NRG3: variants seen among roughly 807,000 people sequenced by gnomAD.
NRG3 encodes the protein pro-neuregulin-3, membrane-bound isoform.
A neutral mutation model predicts 66.9 loss-of-function variants in NRG3; 31 were observed. The ratio of observed to expected loss-of-function variants is 0.46; its 90% CI spans 0.35 to 0.63. NRG3 has a LOEUF of 0.63. Among genes scored for constraint, NRG3 ranks in the 20% least tolerant of loss-of-function variants. The pLI, the probability that NRG3 is intolerant of heterozygous loss-of-function variation, is 0.00. For synonymous variants in NRG3, 393 were observed against 359.4 expected (o/e 1.09, Z -1.06); for missense variants, 910 against 878.9 (o/e 1.04, Z -0.45).
chr10:82,249,743 A>G (rs938018603), intron 1 of NRG3, among the ~76,000 whole-genome samples: 4 of 152,216 alleles, frequency 2.6e-5, no homozygotes, highest in South Asian at 2.1e-4. Context: ...TACTAAGCAC[A>G]TGGAGAAGCA....
At position 82,863,474 on chromosome 10, in the gene NRG3, C is replaced by T. The variant is rs375290422; in HGVS notation, c.1028-1937C>T. On this transcript the variant is annotated intron_variant, in intron 3 of 8. Transcript: ENST00000372141. ...ATGGTTGAACTAATTACACTCCCAA[C>T]AACAATGTAAAAGTGTTCCTATTTC... Among the ~76,000 whole-genome samples the T allele has an allele frequency of 5.9e-5, 9 of 152,324 alleles. 1 individual carries two copies. Among genetic ancestry groups the T allele is most frequent in the African/African-American group, 2.2e-4 (9 of 41,576 alleles).
chr10:82,844,687 T>TC (rs199860084), intron 3 of NRG3, among the ~76,000 whole-genome samples: 1 of 147,542 alleles, frequency 6.8e-6, no homozygotes, highest in Non-Finnish European at 1.5e-5. Flanking sequence ...TTTTTTTTTT[T>TC]CCAAATAAGA....
At chr10:82,838,385 A>C (rs982713792) in intron 3 of NRG3, among the ~76,000 whole-genome samples, 3 of 152,312 alleles carry the variant, frequency 2.0e-5, no homozygotes, top group African/African-American at 7.2e-5. Context: ...ATTCATGATG[A>C]CATTTGAAAA....
intron 1 of NRG3, among the ~76,000 whole-genome samples, chr10:82,306,830 G>T (rs1038849833): frequency 6.8e-6 from 1 of 147,016 alleles, no homozygotes; most frequent in African/African-American, 2.5e-5. Context: ...TATTTTGTCT[G>T]TTTAGATTTT....
rs186158311 is a variant in NRG3 at position 82,896,564 on chromosome 10, T to C, written c.1054+31127T>C. ...GATTTTAATGAGAAGAATGATGTTTTGATTTTCTACATGAAAATAAATGTG... is the reference window on the plus strand; with the variant it reads ...GATTTTAATGAGAAGAATGATGTTTCGATTTTCTACATGAAAATAAATGTG... On this transcript the variant is annotated intron_variant, in intron 4 of 8. Transcript: ENST00000372141. Among the ~76,000 whole-genome samples the C allele has an allele frequency of 2.0e-4, 31 of 152,378 alleles. No individual in the cohort carries two copies. In the East Asian group the frequency reaches 5.4e-3, roughly 27 times the overall value.
At chr10:82,145,379 T>C (rs2070168927) in intron 1 of NRG3, among the ~76,000 whole-genome samples, 1 of 152,188 alleles carries the variant, frequency 6.6e-6, no homozygotes, top group Non-Finnish European at 1.5e-5. Context: ...TTATAACATA[T>C]TTGACTTTTG....
chr10:82,312,025 T>G (rs2081055657), intron 1 of NRG3, among the ~76,000 whole-genome samples: 2 of 152,180 alleles, frequency 1.3e-5, no homozygotes, highest in Non-Finnish European at 2.9e-5. Context: ...TTCAAATGTG[T>G]GAAGATTCAG....
At chr10:82,482,399 A>G (rs1842346204) in intron 2 of NRG3, among the ~76,000 whole-genome samples, 1 of 152,190 alleles carries the variant, frequency 6.6e-6, no homozygotes, top group Non-Finnish European at 1.5e-5. Context: ...AACGCAAAGA[A>G]TATTCTGACC....
At chr10:82,091,063 G>T (rs973669558) in intron 1 of NRG3, among the ~76,000 whole-genome samples, 4 of 148,668 alleles carry the variant, frequency 2.7e-5, no homozygotes, top group African/African-American at 9.9e-5. Flanking sequence ...AGACTAGTTT[G>T]TTTTTTTTTT....
chr10:82,729,267 A>G (rs1317024970), intron 2 of NRG3, among the ~76,000 whole-genome samples: 1 of 152,172 alleles, frequency 6.6e-6, no homozygotes, highest in Non-Finnish European at 1.5e-5. Flanking sequence ...AATTGACATG[A>G]AGCAAAATTT....
intron 1 of NRG3, among the ~76,000 whole-genome samples, chr10:82,199,841 T>G (rs2133460200): frequency 6.6e-6 from 1 of 151,554 alleles, no homozygotes; most frequent in Admixed American, 6.6e-5. Context: ...GTTTAACGTC[T>G]GATGCCCGCT....
At chr10:81,893,029 G>A (rs1843173705) in intron 1 of NRG3, among the ~76,000 whole-genome samples, 1 of 152,100 alleles carries the variant, frequency 6.6e-6, no homozygotes, top group East Asian at 1.9e-4. Context: ...CAAACTCAAA[G>A]TGGCTAGTTT....
At chr10:82,399,996 T>A (rs201840410) in intron 2 of NRG3, among the ~76,000 whole-genome samples, 2 of 152,168 alleles carry the variant, frequency 1.3e-5, no homozygotes, top group East Asian at 1.9e-4. Flanking sequence ...AGCCTTCAAA[T>A]TGATGTCTGC....
At chr10:82,521,223 A>G (rs1846145280) in intron 2 of NRG3, among the ~76,000 whole-genome samples, 6 of 152,220 alleles carry the variant, frequency 3.9e-5, no homozygotes, top group Admixed American at 2.6e-4. Flanking sequence ...TTTACTAAAA[A>G]TACTAACAAT....
intron 4 of NRG3, among the ~76,000 whole-genome samples, chr10:82,887,622 A>C (rs1842834391): frequency 6.6e-6 from 1 of 152,226 alleles, no homozygotes; most frequent in Admixed American, 6.5e-5. Context: ...TGTGAAGCTA[A>C]ATCCACTGTA....
intron 2 of NRG3, among the ~76,000 whole-genome samples, chr10:82,556,932 G>A (rs1004981026): frequency 6.6e-6 from 1 of 152,084 alleles, no homozygotes; most frequent in Non-Finnish European, 1.5e-5. Context: ...AAGGATAATG[G>A]CCTCCAACTC....
At chr10:82,081,605 C>T (rs1046112317) in intron 1 of NRG3, among the ~76,000 whole-genome samples, 5 of 152,044 alleles carry the variant, frequency 3.3e-5, no homozygotes, top group Admixed American at 6.6e-5. Context: ...CAGCTATTGC[C>T]TCAGATTTGG....
Position 82,756,367 on chromosome 10 carries a change from A to T in NRG3, c.1027+17717A>T, listed in dbSNP as rs76731584. 8.3e-3 allele frequency among the ~76,000 whole-genome samples: 1,258 copies of T among 152,216 alleles called. 14 individuals carry two copies. The highest frequency in any genetic ancestry group is 0.021 in the African/African-American group (867 of 41,538). On this transcript the variant is annotated intron_variant, in intron 3 of 8. Coordinates refer to ENST00000372141, the MANE Select transcript of NRG3 (RefSeq NM_001010848.4). ...TTCCAACAGCTTCCAATGGCAGGCA[A>T]ATCCTTTCCCGGTTTTACATACTAA...
At chr10:82,566,368 C>A (rs2045403485) in intron 2 of NRG3, among the ~76,000 whole-genome samples, 1 of 151,498 alleles carries the variant, frequency 6.6e-6, no homozygotes, top group Admixed American at 6.6e-5. Flanking sequence ...AAGAAAAATG[C>A]TTCGTTATAA....
Sources: allele counts gnomAD v4.1 joint callset (sites outside exome capture counted in the v4.1 genomes callset), GRCh38; gene constraint gnomAD v4.1.1; transcripts MANE v1.5; gene names NCBI Gene and HGNC (gene_info 2026-07-23, HGNC 2026-07-21).